Variants in KCNH1 observed in about 807,000 individuals in gnomAD.
The protein encoded by KCNH1 is potassium voltage-gated channel subfamily H member 1, also known as voltage-gated delayed rectifier potassium channel KCNH1.
A neutral mutation model predicts 69.2 loss-of-function variants in KCNH1; 27 were observed. The observed-to-expected ratio is 0.39, with a 90% CI of 0.29 to 0.54. The LOEUF (loss-of-function observed/expected upper bound fraction) is 0.54. Ranked by LOEUF, KCNH1 falls within the 20% of genes least tolerant of loss-of-function variation. The probability of loss-of-function intolerance (pLI) is 0.68; values close to 1 mark genes in which losing one functional copy is unlikely to be tolerated. For missense variants in KCNH1, 798 were observed against 1,261.6 expected, an observed-to-expected ratio of 0.63 and a Z score of 5.57; for synonymous variants, 456 against 487.7, an observed-to-expected ratio of 0.93 and a Z score of 0.86.
intron 6 of KCNH1, among the ~76,000 whole-genome samples, chr1:210,964,494 A>G (rs1558544157): frequency 6.6e-6 from 1 of 152,222 alleles, no homozygotes; most frequent in Non-Finnish European, 1.5e-5. Context: ...ATAAACTAGA[A>G]AATCTAGAAG....
At chr1:210,822,962 C>T (rs1471726249) in intron 7 of KCNH1, among the ~76,000 whole-genome samples, 3 of 152,164 alleles carry the variant, frequency 2.0e-5, no homozygotes, top group Non-Finnish European at 2.9e-5. Flanking sequence ...GGTAGCTTTT[C>T]ACTTCTGCTG....
chr1:210,809,095 A>C (rs760752983), intron 7 of KCNH1, among the ~76,000 whole-genome samples: 2 of 151,228 alleles, frequency 1.3e-5, no homozygotes, highest in Non-Finnish European at 2.9e-5. Flanking sequence ...AGCGATTCCT[A>C]CCCAGAAAGA....
intron 6 of KCNH1, among the ~76,000 whole-genome samples, chr1:211,015,308 T>A (rs1257297989): frequency 6.6e-6 from 1 of 152,220 alleles, no homozygotes; most frequent in Non-Finnish European, 1.5e-5. Flanking sequence ...TTTATAAAAA[T>A]CTGTTGCTAT....
At position 211,103,581 on chromosome 1, in the gene KCNH1, A is replaced by C; in HGVS notation, c.225T>G (p.Thr75=). 1 of 1,612,640 alleles carries C rather than the reference A, an allele frequency of 6.2e-7. No individual in the cohort carries two copies. Residue 75 remains threonine, a synonymous_variant, in exon 3 of 11, where the codon ACT becomes ACG. Coordinates refer to ENST00000271751, the MANE Select transcript of KCNH1 (RefSeq NM_172362.3). ...STCSFMYGEL[T]DKDTIEKVRQ... Reference sequence around the variant, plus strand: ...GCACTTTTTCAATCGTGTCTTTATCAGTCAGCTCCCCATACATAAAACTGC... The same window carrying C: ...GCACTTTTTCAATCGTGTCTTTATCCGTCAGCTCCCCATACATAAAACTGC...
At chr1:211,093,845 C>T (rs960526697) in intron 3 of KCNH1, among the ~76,000 whole-genome samples, 2 of 152,090 alleles carry the variant, frequency 1.3e-5, no homozygotes, top group African/African-American at 4.8e-5. Flanking sequence ...ATATGTGTAG[C>T]TTGGCCCCTT....
intron 7 of KCNH1, among the ~76,000 whole-genome samples, chr1:210,813,239 T>C (rs1482625621): frequency 6.6e-6 from 1 of 152,190 alleles, no homozygotes. Flanking sequence ...TGCCTTTTAA[T>C]TGCACAGACT....
intron 2 of KCNH1, among the ~76,000 whole-genome samples, chr1:211,104,113 T>C (rs558892465): frequency 2.6e-5 from 4 of 152,184 alleles, no homozygotes; most frequent in African/African-American, 4.8e-5. Context: ...TTCAGTATGA[T>C]TGAAATATAG....
intron 6 of KCNH1, among the ~76,000 whole-genome samples, chr1:210,976,863 G>A (rs1263740764): frequency 6.1e-5 from 9 of 148,112 alleles, no homozygotes; most frequent in Non-Finnish European, 1.3e-4. Context: ...TGGTGGGACT[G>A]TAAACTAGTT....
At chr1:211,002,614 A>T (rs1251897933) in intron 6 of KCNH1, among the ~76,000 whole-genome samples, 1 of 152,270 alleles carries the variant, frequency 6.6e-6, no homozygotes, top group East Asian at 1.9e-4. Context: ...ATTTCTGCTG[A>T]AAACTTAAAA....
chr1:210,853,308 C>T (rs1242477227), intron 7 of KCNH1, among the ~76,000 whole-genome samples: 1 of 152,154 alleles, frequency 6.6e-6, no homozygotes, highest in Non-Finnish European at 1.5e-5. Flanking sequence ...TAGAGCATAG[C>T]AGGCACAAAA....
At chr1:210,987,900 G>T (rs1275819356) in intron 6 of KCNH1, among the ~76,000 whole-genome samples, 1 of 152,200 alleles carries the variant, frequency 6.6e-6, no homozygotes, top group Admixed American at 6.5e-5. Flanking sequence ...ACAGAGGCAG[G>T]CAGACCTCCT....
chr1:211,027,819 T>C (rs530151290), intron 5 of KCNH1, among the ~76,000 whole-genome samples: 27 of 148,114 alleles, frequency 1.8e-4, no homozygotes, highest in Non-Finnish European at 3.6e-4. Flanking sequence ...CTGCAAAATA[T>C]GTAAAGTAAA....
At chr1:210,707,772 T>A (rs1681949638) in intron 10 of KCNH1, among the ~76,000 whole-genome samples, 1 of 152,144 alleles carries the variant, frequency 6.6e-6, no homozygotes, top group Admixed American at 6.5e-5. Flanking sequence ...TCCCTCCTCT[T>A]AGGAACCTAT....
chr1:210,768,490 A>G (rs1374460541), intron 10 of KCNH1, among the ~76,000 whole-genome samples: 1 of 152,230 alleles, frequency 6.6e-6, no homozygotes, highest in Non-Finnish European at 1.5e-5. Context: ...ATTGCTATGA[A>G]TAATGGAAGA....
intron 10 of KCNH1, among the ~76,000 whole-genome samples, chr1:210,716,159 C>T (rs1041583808): frequency 2.6e-5 from 4 of 152,058 alleles, no homozygotes; most frequent in African/African-American, 9.7e-5. Flanking sequence ...ACAGGCTGGG[C>T]GTGGCGGCTC....
intron 7 of KCNH1, chr1:210,858,073 T>C (rs1192288384): frequency 6.6e-6 from 1 of 152,190 alleles, no homozygotes; most frequent in Non-Finnish European, 1.5e-5. Context: ...ATTGTCACAA[T>C]TGTTATAAAT....
chr1:210,858,424 T>C (rs769957531), intron 7 of KCNH1: 2 of 152,310 alleles, frequency 1.3e-5, no homozygotes, highest in African/African-American at 4.8e-5. Context: ...AGGTACAAAA[T>C]TGCTAGTTCA....
intron 10 of KCNH1, among the ~76,000 whole-genome samples, chr1:210,728,591 C>T (rs1682667043): frequency 6.6e-6 from 1 of 152,176 alleles, no homozygotes; most frequent in Non-Finnish European, 1.5e-5. Flanking sequence ...TGGGGGACTG[C>T]TGGTTTGAGG....
intron 10 of KCNH1, among the ~76,000 whole-genome samples, chr1:210,716,130 C>G (rs1195241738): frequency 6.6e-6 from 1 of 151,790 alleles, no homozygotes; most frequent in Non-Finnish European, 1.5e-5. Context: ...GTAGATCTTG[C>G]TTTAAGAAAG....
Sources: allele counts gnomAD v4.1 joint callset (sites outside exome capture counted in the v4.1 genomes callset), GRCh38; gene constraint gnomAD v4.1.1; transcripts MANE v1.5; gene names NCBI Gene and HGNC (gene_info 2026-07-23, HGNC 2026-07-21).